The following NFIB variants were observed in gnomAD, a reference collection of about 807,000 sequenced individuals.
The protein encoded by NFIB is nuclear factor 1 B-type.
A neutral mutation model predicts 61.5 loss-of-function variants in NFIB; 11 were observed. That is an observed-to-expected ratio of 0.18 (90% CI 0.11 to 0.30). The LOEUF is 0.30. NFIB is among the 10% of genes least tolerant of loss of function. NFIB has a pLI of 1.00. For synonymous variants in NFIB, 260 were observed against 216.5 expected (o/e 1.20, Z -1.76); for missense variants, 471 against 608.9 (o/e 0.77, Z 2.38).
At chr9:14,465,660 C>A in the NFIB span, among the ~76,000 whole-genome samples, 41 of 151,868 alleles carry the variant, frequency 2.7e-4, 2 homozygotes, top group Non-Finnish European at 5.9e-5. Flanking sequence ...GTGTGAATCA[C>A]CACTCGAGGG....
At chr9:14,425,512 T>A in the NFIB span, among the ~76,000 whole-genome samples, 1 of 152,034 alleles carries the variant, frequency 6.6e-6, no homozygotes, top group Admixed American at 6.6e-5. Context: ...GGGGCACAGA[T>A]GATTGAGACA....
At chr9:14,308,776 G>A (rs1193332796) in intron 1 of NFIB, among the ~76,000 whole-genome samples, 1 of 152,206 alleles carries the variant, frequency 6.6e-6, no homozygotes, top group Non-Finnish European at 1.5e-5. Flanking sequence ...TTAGGCTCCT[G>A]CATTTTTCCT....
chr9:14,281,783 T>G (rs2058385101), intron 2 of NFIB, among the ~76,000 whole-genome samples: 1 of 152,084 alleles, frequency 6.6e-6, no homozygotes, highest in African/African-American at 2.4e-5. Flanking sequence ...GACTAAATGA[T>G]TATAATCCTT....
chr9:14,404,542 G>A, the NFIB span, among the ~76,000 whole-genome samples: 2 of 152,244 alleles, frequency 1.3e-5, no homozygotes, highest in African/African-American at 4.8e-5. Flanking sequence ...CTTTGATTTA[G>A]TTTGATTCCC....
At chr9:14,450,257 A>G in the NFIB span, among the ~76,000 whole-genome samples, 1 of 152,136 alleles carries the variant, frequency 6.6e-6, no homozygotes, top group African/African-American at 2.4e-5. Flanking sequence ...GCTAAGAATG[A>G]TGGTTTCATT....
At chr9:14,428,983 G>C in the NFIB span, among the ~76,000 whole-genome samples, 1 of 152,120 alleles carries the variant, frequency 6.6e-6, no homozygotes, top group Non-Finnish European at 1.5e-5. Context: ...GCTTATCCCG[G>C]CGCGTCTTGA....
At chr9:14,492,142 T>A in the NFIB span, among the ~76,000 whole-genome samples, 1 of 151,958 alleles carries the variant, frequency 6.6e-6, no homozygotes, top group Non-Finnish European at 1.5e-5. Context: ...GGCGGGTGGA[T>A]CACAAGGTCA....
At chr9:14,369,269 T>A (rs2061332880) in intron 1 of NFIB, among the ~76,000 whole-genome samples, 1 of 152,184 alleles carries the variant, frequency 6.6e-6, no homozygotes, top group Admixed American at 6.5e-5. Context: ...CTTATTGTAT[T>A]AAAGAAGATG....
intron 2 of NFIB, among the ~76,000 whole-genome samples, chr9:14,291,381 A>T (rs954664961): frequency 6.6e-6 from 1 of 152,012 alleles, no homozygotes; most frequent in Non-Finnish European, 1.5e-5. Flanking sequence ...GCTACTTGGG[A>T]GGCTGATTCA....
chr9:14,313,889 T>G lies in NFIB; in HGVS notation c.-378A>C, dbSNP rs1411746457. 9.4e-7 allele frequency: 1 copy of G among 1,069,170 alleles called. No homozygotes were observed. The highest frequency in any genetic ancestry group is 1.1e-6 in the Non-Finnish European group (1 of 884,076). 66.2% of individuals were successfully genotyped at this position (1,069,170 alleles called of 1,614,324 possible). On this transcript the variant is annotated 5_prime_UTR_variant, in exon 1 of 11. Transcript: ENST00000380953. This position sits in a 1 kb window ranked among gnomAD's most constrained non-coding sequence, Gnocchi z 4.5. ...TGGGGTGTAGGGGGTGCGCGAAGGT[T>G]CGGTGTGGGTTGGATTGGGGTGGTG...
rs974210817 is a variant in NFIB, at chr9:14,172,165, C to A, written c.616+7562G>T. 2.6e-5 allele frequency among the ~76,000 whole-genome samples: 4 copies of A among 152,134 alleles called. No homozygotes were observed. In the East Asian group the frequency reaches 7.7e-4, roughly 29 times the overall value. On this transcript the variant is annotated intron_variant, in intron 3 of 10. Coordinates refer to ENST00000380953, the MANE Select transcript of NFIB (RefSeq NM_001190737.2). ...GTGGGGACAGAAGCTGAGAAGAAAT[C>A]AAGATGGAATTTCAGGGGAAATCAA...
chr9:14,317,943 T>C (rs1588299272), upstream of NFIB, among the ~76,000 whole-genome samples: 1 of 152,314 alleles, frequency 6.6e-6, no homozygotes, highest in East Asian at 1.9e-4. Flanking sequence ...AGAGTGGAAA[T>C]ATCTCTGAAA....
intron 1 of NFIB, among the ~76,000 whole-genome samples, chr9:14,334,808 C>G (rs1462660741): frequency 6.6e-6 from 1 of 152,194 alleles, no homozygotes; most frequent in East Asian, 1.9e-4. Flanking sequence ...TCTATTACCT[C>G]TAAAAATGTT....
chr9:14,375,369 G>A (rs1054742804), intron 1 of NFIB, among the ~76,000 whole-genome samples: 7 of 152,094 alleles, frequency 4.6e-5, no homozygotes, highest in South Asian at 2.1e-4. Context: ...GAAGTACCTG[G>A]GGACAGGGCC....
intron 2 of NFIB, among the ~76,000 whole-genome samples, chr9:14,261,769 T>C (rs1195444360): frequency 3.9e-5 from 6 of 152,214 alleles, no homozygotes; most frequent in African/African-American, 1.4e-4. Flanking sequence ...CAATGGTTTG[T>C]GACAAATGTC....
chr9:14,142,727 T>C (rs1486620886), intron 6 of NFIB, among the ~76,000 whole-genome samples: 1 of 152,192 alleles, frequency 6.6e-6, no homozygotes, highest in Non-Finnish European at 1.5e-5. Flanking sequence ...TCAACTTGCC[T>C]GTTGACAGTC....
intron 2 of NFIB, among the ~76,000 whole-genome samples, chr9:14,272,155 T>C (rs1312946690): frequency 6.6e-6 from 1 of 152,174 alleles, no homozygotes; most frequent in Non-Finnish European, 1.5e-5. Flanking sequence ...GTTTCCATTA[T>C]ACGTTTTGAA....
chr9:14,493,854 CT>C, the NFIB span, among the ~76,000 whole-genome samples: 3 of 152,162 alleles, frequency 2.0e-5, no homozygotes, highest in Non-Finnish European at 4.4e-5. Context: ...TGGGGAAGGT[CT>C]TTTGCGGCAA....
chr9:14,094,525 G>C (rs970709208), intron 10 of NFIB: 1 of 152,156 alleles, frequency 6.6e-6, no homozygotes, highest in Non-Finnish European at 1.5e-5. Flanking sequence ...TATTTTCACC[G>C]TTTTTAGGGA....
Sources: allele counts gnomAD v4.1 joint callset (sites outside exome capture counted in the v4.1 genomes callset), GRCh38; gene constraint gnomAD v4.1.1; non-coding constraint Gnocchi (gnomAD v3.1); transcripts MANE v1.5; gene names NCBI Gene and HGNC (gene_info 2026-07-23, HGNC 2026-07-21).